RBMS3: variants seen among roughly 807,000 people sequenced by gnomAD.
RBMS3 encodes RNA binding motif single stranded interacting protein 3, also known as RNA-binding motif, single-stranded-interacting protein 3.
Under a neutral mutation model 66.8 loss-of-function variants are expected in RBMS3, and 27 were observed. The ratio of observed to expected loss-of-function variants is 0.40; its 90% CI spans 0.30 to 0.56. The LOEUF (loss-of-function observed/expected upper bound fraction) is 0.56. Ranked by LOEUF, RBMS3 falls within the 20% of genes least tolerant of loss-of-function variation. RBMS3 has a pLI of 0.40. For synonymous variants in RBMS3, 188 were observed against 183.0 expected (o/e 1.03, Z -0.22); for missense variants, 513 against 549.5 (o/e 0.93, Z 0.66).
intron 5 of RBMS3, among the ~76,000 whole-genome samples, chr3:29,753,871 A>G (rs1391953117): frequency 2.0e-5 from 3 of 152,192 alleles, no homozygotes; most frequent in Non-Finnish European, 4.4e-5. Context: ...CAAATTTTTC[A>G]CTTAAGCTGT....
At chr3:29,539,716 T>G (rs2045690786) in intron 3 of RBMS3, among the ~76,000 whole-genome samples, 1 of 152,206 alleles carries the variant, frequency 6.6e-6, no homozygotes, top group African/African-American at 2.4e-5. Context: ...GAAATGTTAT[T>G]CTATTTTTCC....
intron 2 of RBMS3, among the ~76,000 whole-genome samples, chr3:29,440,876 A>G (rs1172217711): frequency 6.6e-6 from 1 of 152,230 alleles, no homozygotes; most frequent in African/African-American, 2.4e-5. Context: ...TATCAGTTTA[A>G]AAGTAACCTT....
At chr3:29,770,713 C>T (rs559766919) in intron 6 of RBMS3, among the ~76,000 whole-genome samples, 27 of 152,076 alleles carry the variant, frequency 1.8e-4, no homozygotes, top group African/African-American at 6.5e-4. Flanking sequence ...TGGGCTTTGC[C>T]TTCTGTCAGC....
intron 10 of RBMS3, among the ~76,000 whole-genome samples, chr3:29,912,958 A>G (rs963152525): frequency 1.6e-4 from 24 of 151,918 alleles, no homozygotes; most frequent in African/African-American, 5.6e-4. Context: ...CTCTCACAGG[A>G]GCCCAAGCAT....
chr3:29,936,898 G>A (rs530640995), intron 11 of RBMS3, among the ~76,000 whole-genome samples: 5 of 152,082 alleles, frequency 3.3e-5, no homozygotes, highest in Non-Finnish European at 4.4e-5. Context: ...AATGTTCAAG[G>A]AGGCAAAAGC....
In RBMS3 at chr3:29,606,927, C is replaced by T. The variant is rs1299447781; in HGVS notation, c.399+19722C>T. On this transcript the variant is annotated intron_variant, in intron 4 of 14. Transcript: ENST00000383767. Reference sequence around the variant, plus strand: ...AGAGTGAAATTTTTCTCATGTAAAGCATTCTATAATATGCAATACAAACAA... The same window carrying T: ...AGAGTGAAATTTTTCTCATGTAAAGTATTCTATAATATGCAATACAAACAA... Among the ~76,000 whole-genome samples the T allele has an allele frequency of 3.3e-5, 5 of 151,946 alleles. No homozygotes were observed. In the East Asian group the frequency reaches 9.7e-4, roughly 30 times the overall value.
intron 6 of RBMS3, among the ~76,000 whole-genome samples, chr3:29,786,216 A>G (rs1024405958): frequency 5.3e-5 from 8 of 152,152 alleles, no homozygotes; most frequent in South Asian, 4.1e-4. Flanking sequence ...AATACATCCC[A>G]TGCTCGTGGA....
intron 12 of RBMS3, among the ~76,000 whole-genome samples, chr3:29,966,005 T>C (rs185922460): frequency 3.7e-4 from 57 of 152,280 alleles, no homozygotes; most frequent in African/African-American, 1.3e-3. Context: ...ACTTTTATGT[T>C]TTTGTTTGCT....
At chr3:29,830,865 G>A (rs933298768) in intron 6 of RBMS3, among the ~76,000 whole-genome samples, 14 of 152,096 alleles carry the variant, frequency 9.2e-5, no homozygotes, top group African/African-American at 2.9e-4. Flanking sequence ...TAGAAGCACA[G>A]GGTGCTACAC....
At chr3:29,756,455 G>A (rs965900981) in intron 5 of RBMS3, among the ~76,000 whole-genome samples, 2 of 152,154 alleles carry the variant, frequency 1.3e-5, no homozygotes, top group African/African-American at 4.8e-5. Flanking sequence ...CAAAGGGGGA[G>A]CAAAGGCTTG....
intron 3 of RBMS3, among the ~76,000 whole-genome samples, chr3:29,571,177 T>C (rs1227720965): frequency 2.0e-5 from 3 of 152,174 alleles, no homozygotes; most frequent in Non-Finnish European, 2.9e-5. Context: ...TGGATTATTA[T>C]ATTTTTTCCT....
chr3:29,690,481 CTG>C (rs1350128376), intron 4 of RBMS3, among the ~76,000 whole-genome samples: 1 of 152,198 alleles, frequency 6.6e-6, no homozygotes, highest in African/African-American at 2.4e-5. Flanking sequence ...TCTGTTATAA[CTG>C]ATTCAAATTG....
chr3:29,978,599 C>T (rs1452611188), intron 12 of RBMS3, among the ~76,000 whole-genome samples: 1 of 151,368 alleles, frequency 6.6e-6, no homozygotes, highest in African/African-American at 2.4e-5. Context: ...TTTAAGGTAG[C>T]TCGCCTGGAA....
chr3:29,501,624 T>C (rs2043977967), intron 3 of RBMS3, among the ~76,000 whole-genome samples: 2 of 152,104 alleles, frequency 1.3e-5, no homozygotes, highest in African/African-American at 4.8e-5. Flanking sequence ...TTTACCAACA[T>C]CTCTATCTTT....
intron 6 of RBMS3, among the ~76,000 whole-genome samples, chr3:29,857,170 T>G (rs563605457): frequency 6.6e-6 from 1 of 152,326 alleles, no homozygotes; most frequent in South Asian, 2.1e-4. Context: ...CACTGCATCC[T>G]GGGAATTCTT....
At chr3:29,486,367 A>C (rs1346708677) in intron 2 of RBMS3, among the ~76,000 whole-genome samples, 1 of 152,132 alleles carries the variant, frequency 6.6e-6, no homozygotes. Flanking sequence ...CTCCAGTCAT[A>C]GTAGATGTTG....
chr3:29,494,139 G>T (rs919237702), intron 3 of RBMS3, among the ~76,000 whole-genome samples: 7 of 152,086 alleles, frequency 4.6e-5, no homozygotes, highest in African/African-American at 1.7e-4. Flanking sequence ...CTTTACCAAG[G>T]TATGAGAAAG....
chr3:29,721,859 T>C (rs2149321835), intron 4 of RBMS3, among the ~76,000 whole-genome samples: 1 of 152,292 alleles, frequency 6.6e-6, no homozygotes, highest in Admixed American at 6.5e-5. Context: ...GGAATCCAGT[T>C]TGAATGTCCA....
intron 4 of RBMS3, among the ~76,000 whole-genome samples, chr3:29,623,151 T>G (rs1349324690): frequency 8.5e-6 from 1 of 117,646 alleles, no homozygotes; most frequent in African/African-American, 3.3e-5. Flanking sequence ...CTGTGAGAAT[T>G]AAAGGGGATT....
Sources: allele counts gnomAD v4.1 joint callset (sites outside exome capture counted in the v4.1 genomes callset), GRCh38; gene constraint gnomAD v4.1.1; transcripts MANE v1.5; gene names NCBI Gene and HGNC (gene_info 2026-07-23, HGNC 2026-07-21).